Variants in CNTN4 observed in about 807,000 individuals in gnomAD.
CNTN4 encodes contactin 4.
In CNTN4, 77 loss-of-function variants were observed where a neutral mutation model predicts 122.5. The observed-to-expected ratio is 0.63, with a 90% confidence interval of 0.52 to 0.76. CNTN4 has a LOEUF of 0.76. Ranked by LOEUF, CNTN4 falls within the 30% of genes least tolerant of loss-of-function variation. The pLI, the probability that CNTN4 is intolerant of heterozygous loss-of-function variation, is 0.00. For synonymous variants in CNTN4, 512 were observed against 447.0 expected, an observed-to-expected ratio of 1.15 and a Z score of -1.83; for missense variants, 1,256 against 1,259.1, an observed-to-expected ratio of 1.00 and a Z score of 0.04.
At chr3:3,012,733 C>T (rs1048415841) in intron 14 of CNTN4, among the ~76,000 whole-genome samples, 13 of 152,240 alleles carry the variant, frequency 8.5e-5, no homozygotes, top group African/African-American at 2.9e-4. Flanking sequence ...CTTTGGGAGG[C>T]GGAGGCGGGC....
Position 2,855,719 on chromosome 3 carries a change from C to T in CNTN4, c.455-11033C>T, listed in dbSNP as rs533652712. Reference sequence around the variant, plus strand: ...GTTTTCATCAACATATGTCATTTAGCGTAAGTCACATCAGGTGGACTAACT... The same window carrying T: ...GTTTTCATCAACATATGTCATTTAGTGTAAGTCACATCAGGTGGACTAACT... On this transcript the variant is annotated intron_variant, in intron 7 of 24. Coordinates refer to ENST00000418658, the MANE Select transcript of CNTN4 (RefSeq NM_175607.3). Among the ~76,000 whole-genome samples, 9 of 152,270 alleles carry T rather than the reference C, an allele frequency of 5.9e-5. No homozygotes were observed. In the East Asian group the frequency reaches 1.4e-3, roughly 23 times the overall value.
intron 3 of CNTN4, among the ~76,000 whole-genome samples, chr3:2,347,594 G>A (rs1049290719): frequency 2.0e-5 from 3 of 151,964 alleles, no homozygotes; most frequent in Non-Finnish European, 4.4e-5. Context: ...ATTTCTAGTA[G>A]AGACAGGGTT....
At chr3:2,124,433 A>AACACACAC (rs60760373) in intron 2 of CNTN4, among the ~76,000 whole-genome samples, 3,633 of 123,840 alleles carry the variant, frequency 0.029, 61 homozygotes, top group East Asian at 0.046. Flanking sequence ...ATTTATTTAA[A>AACACACAC]ACACACACAC....
intron 13 of CNTN4, among the ~76,000 whole-genome samples, chr3:2,982,217 C>T (rs1432384348): frequency 6.6e-6 from 1 of 152,108 alleles, no homozygotes; most frequent in Non-Finnish European, 1.5e-5. Context: ...AGATAGCATT[C>T]GTCAATCTTC....
chr3:2,991,598 T>C (rs1322292102), intron 14 of CNTN4, among the ~76,000 whole-genome samples: 2 of 152,168 alleles, frequency 1.3e-5, no homozygotes, highest in East Asian at 3.9e-4. Flanking sequence ...TAATGGGAAG[T>C]ACGTGTGTCT....
rs1027845200 is a variant in CNTN4, at chr3:2,631,879, C to CA, written c.55+60330dup. The stretch of plus-strand genomic sequence containing the variant: ...CCGTATCTCTACAAAAAAAAAAAAA[C>CA]AAAAAAAAACAACAACTAAAAAATT... On this transcript the variant is annotated intron_variant, in intron 4 of 24. Coordinates refer to ENST00000418658, the MANE Select transcript of CNTN4 (RefSeq NM_175607.3). Among the ~76,000 whole-genome samples, 22 of 113,420 alleles carry CA rather than the reference C, an allele frequency of 1.9e-4. 1 individual carries two copies. The South Asian group carries it at 2.2e-3, about 11-fold the overall frequency. 74.4% of individuals were successfully genotyped at this position (113,420 alleles called of 152,430 possible).
At chr3:2,881,932 G>C (rs912913457) in intron 8 of CNTN4, among the ~76,000 whole-genome samples, 1 of 152,180 alleles carries the variant, frequency 6.6e-6, no homozygotes, top group Non-Finnish European at 1.5e-5. Context: ...TCTTTTTATA[G>C]TAAGCCAGGT....
At chr3:2,521,778 G>C (rs2077227433) in intron 3 of CNTN4, among the ~76,000 whole-genome samples, 1 of 152,044 alleles carries the variant, frequency 6.6e-6, no homozygotes, top group East Asian at 1.9e-4. Flanking sequence ...GCTTACCTAA[G>C]TTTTGAAGTA....
In CNTN4 at chr3:2,676,452, C is replaced by A. The variant is rs570046639; in HGVS notation, c.56-59763C>A. ...GGCCAGACTGGCGTCAAACTCCTGA[C>A]CTCAAGTGATCCGGCTGCCTCGGCC... On this transcript the variant is annotated intron_variant, in intron 4 of 24. Coordinates refer to ENST00000418658, the MANE Select transcript of CNTN4 (RefSeq NM_175607.3). 5.3e-5 allele frequency among the ~76,000 whole-genome samples: 8 copies of A among 152,294 alleles called. No homozygotes were observed. In the South Asian group the frequency reaches 1.7e-3, roughly 32 times the overall value.
chr3:2,692,918 A>T (rs924252366), intron 4 of CNTN4, among the ~76,000 whole-genome samples: 4 of 140,476 alleles, frequency 2.8e-5, no homozygotes, highest in Non-Finnish European at 6.3e-5. Flanking sequence ...CTAATTTAAA[A>T]TTTTTATCAA....
rs1334344389 is a variant in CNTN4 at position 2,385,634 on chromosome 3, G to A, written c.-89+46401G>A. Reference sequence around the variant, plus strand: ...AGCTTCTGTTAGCCCCAGTTGTTCTGCAGCTTGTGGGAGCATAACTCCAAG... The same window carrying A: ...AGCTTCTGTTAGCCCCAGTTGTTCTACAGCTTGTGGGAGCATAACTCCAAG... On this transcript the variant is annotated intron_variant, in intron 3 of 24. Transcript: ENST00000418658. The surrounding 1 kb of genome is among the most constrained non-coding windows in gnomAD (Gnocchi z 4.0). Among the ~76,000 whole-genome samples, 3 of 152,000 alleles carry A rather than the reference G, an allele frequency of 2.0e-5. No homozygotes were observed. Among genetic ancestry groups the A allele is most frequent in the Non-Finnish European group, 4.4e-5 (3 of 68,014 alleles).
chr3:2,191,869 T>C (rs1056171594), intron 2 of CNTN4, among the ~76,000 whole-genome samples: 1 of 152,066 alleles, frequency 6.6e-6, no homozygotes, highest in Non-Finnish European at 1.5e-5. Flanking sequence ...CCTAATGCTA[T>C]GCCTCCCCCC....
At chr3:2,413,042 G>A (rs958818330) in intron 3 of CNTN4, among the ~76,000 whole-genome samples, 8 of 152,150 alleles carry the variant, frequency 5.3e-5, no homozygotes, top group Admixed American at 3.9e-4. Flanking sequence ...ATGTGTGCAG[G>A]ATTCCATATG....
chr3:2,578,083 G>A (rs2079774285), intron 4 of CNTN4, among the ~76,000 whole-genome samples: 1 of 152,140 alleles, frequency 6.6e-6, no homozygotes, highest in South Asian at 2.1e-4. Context: ...AAAAAGTGGA[G>A]CAAGGAAGAC....
At chr3:2,416,064 A>G (rs777073279) in intron 3 of CNTN4, among the ~76,000 whole-genome samples, 4 of 152,212 alleles carry the variant, frequency 2.6e-5, no homozygotes, top group African/African-American at 7.2e-5. Context: ...TAAGAGACAT[A>G]TAAGATACTA....
At chr3:2,440,652 C>A (rs1042137875) in intron 3 of CNTN4, among the ~76,000 whole-genome samples, 74 of 151,784 alleles carry the variant, frequency 4.9e-4, no homozygotes, top group African/African-American at 1.7e-3. Flanking sequence ...TTTTAATTTA[C>A]TCATCCATTC....
chr3:2,933,012 CGA>C, intron 13 of CNTN4, among the ~76,000 whole-genome samples: 1 of 151,932 alleles, frequency 6.6e-6, no homozygotes, highest in Admixed American at 6.6e-5. Context: ...TTAGTAGAGA[CGA>C]AGTTTCACCG....
intron 2 of CNTN4, chr3:2,239,107 C>G (rs2039823687): frequency 6.6e-6 from 1 of 151,892 alleles, no homozygotes; most frequent in Middle Eastern, 3.2e-3. Context: ...GTGCAAAGTT[C>G]TCTGTTTTAA....
At chr3:2,688,330 C>T (rs948854091) in intron 4 of CNTN4, among the ~76,000 whole-genome samples, 1 of 152,126 alleles carries the variant, frequency 6.6e-6, no homozygotes, top group South Asian at 2.1e-4. Flanking sequence ...TCCTCAGGCA[C>T]CACCCTCCAC....
Sources: allele counts gnomAD v4.1 joint callset (sites outside exome capture counted in the v4.1 genomes callset), GRCh38; gene constraint gnomAD v4.1.1; non-coding constraint Gnocchi (gnomAD v3.1); transcripts MANE v1.5; gene names NCBI Gene and HGNC (gene_info 2026-07-23, HGNC 2026-07-21).